Variants in DCDC2 observed in about 807,000 individuals in gnomAD.
DCDC2 encodes the protein doublecortin domain containing 2, also known as doublecortin domain-containing protein 2.
A neutral mutation model predicts 50.2 loss-of-function variants in DCDC2; 40 were observed. The observed-to-expected ratio is 0.80, with a 90% CI of 0.62 to 1.04. The LOEUF is 1.04. Ranked by LOEUF, DCDC2 falls within the 50% of genes least tolerant of loss-of-function variation. The pLI is 0.00. For missense variants in DCDC2, 570 were observed against 581.9 expected (o/e 0.98, Z 0.21); for synonymous variants, 234 against 210.6 (o/e 1.11, Z -0.96).
chr6:24,255,503 G>T (rs1028788825), intron 7 of DCDC2, among the ~76,000 whole-genome samples: 2 of 152,044 alleles, frequency 1.3e-5, no homozygotes, highest in African/African-American at 2.4e-5. Context: ...TTCAGAAAGT[G>T]ATGACAAGCC....
chr6:24,349,195 A>G (rs373895029), intron 2 of DCDC2, among the ~76,000 whole-genome samples: 2 of 152,226 alleles, frequency 1.3e-5, no homozygotes, highest in African/African-American at 4.8e-5. Flanking sequence ...GCTTTGCTGC[A>G]ACATGATAAA....
chr6:24,222,659 G>A (rs553273373), intron 7 of DCDC2, among the ~76,000 whole-genome samples: 1 of 152,264 alleles, frequency 6.6e-6, no homozygotes, highest in African/African-American at 2.4e-5. Context: ...GGTAAAGAAA[G>A]TGAAAAACCA....
rs903961230 is a variant in DCDC2 at position 24,174,810 on chromosome 6, G to A, written c.1351C>T (p.Pro451Ser). The change falls in exon 10 of 10, where the codon CCA (proline) becomes TCA (serine). Residue 451 changes from proline (P) to serine (S), a missense_variant. Physicochemically the swap from Pro to Ser is moderately conservative, Grantham distance 74. Transcript: ENST00000378454. ...CTGGTAATTTTTACTTCTGGCCTTG[G>A]TGGTCTTTGAGGGTCTACATCAGCC... ...DEADVDPQRP[P>S]RPEVKITSPE... 2 of 1,613,162 alleles carry A rather than the reference G, an allele frequency of 1.2e-6. No individual in the cohort carries two copies. Among genetic ancestry groups the A allele is most frequent in the Non-Finnish European group, 1.7e-6 (2 of 1,179,520 alleles).
intron 2 of DCDC2, among the ~76,000 whole-genome samples, chr6:24,329,842 G>A (rs1759936288): frequency 6.6e-6 from 1 of 152,148 alleles, no homozygotes; most frequent in South Asian, 2.1e-4. Flanking sequence ...GCAGGGAGAG[G>A]CTTGTGTTCA....
intron 7 of DCDC2, among the ~76,000 whole-genome samples, chr6:24,228,910 G>T (rs1341637323): frequency 6.6e-6 from 1 of 152,186 alleles, no homozygotes; most frequent in Non-Finnish European, 1.5e-5. Context: ...TTCTAGTTCT[G>T]TTGTGGCCAC....
chr6:24,186,092 G>C (rs906657001), intron 8 of DCDC2, among the ~76,000 whole-genome samples: 31 of 152,156 alleles, frequency 2.0e-4, no homozygotes, highest in African/African-American at 7.2e-4. Context: ...ATAGCTTTTT[G>C]TTGTTTCCAA....
intron 7 of DCDC2, among the ~76,000 whole-genome samples, chr6:24,234,325 T>C (rs969533484): frequency 6.6e-6 from 1 of 152,078 alleles, no homozygotes; most frequent in Non-Finnish European, 1.5e-5. Context: ...TGGAAGATGA[T>C]ACAAAAGAGT....
At chr6:24,199,270 G>C (rs1328131598) in intron 8 of DCDC2, among the ~76,000 whole-genome samples, 1 of 152,194 alleles carries the variant, frequency 6.6e-6, no homozygotes, top group Admixed American at 6.5e-5. Context: ...GCTCTGGTTG[G>C]CATCTGGTGG....
chr6:24,209,142 T>G (rs889124291), intron 7 of DCDC2, among the ~76,000 whole-genome samples: 1 of 152,176 alleles, frequency 6.6e-6, no homozygotes, highest in Non-Finnish European at 1.5e-5. Flanking sequence ...TGAAGACACA[T>G]TTCATGGACA....
intron 8 of DCDC2, among the ~76,000 whole-genome samples, chr6:24,186,521 C>T: frequency 6.6e-6 from 1 of 151,854 alleles, no homozygotes; most frequent in East Asian, 1.9e-4. Context: ...TATTGAAGAA[C>T]AGTGGTCCCC....
the DCDC2 span, among the ~76,000 whole-genome samples, chr6:24,378,387 C>T: frequency 3.3e-5 from 5 of 152,090 alleles, no homozygotes; most frequent in Non-Finnish European, 7.4e-5. Flanking sequence ...GATTTCTCTC[C>T]CTCCCCACCA....
intron 7 of DCDC2, among the ~76,000 whole-genome samples, chr6:24,258,001 G>T (rs1259260640): frequency 3.9e-5 from 6 of 152,156 alleles, no homozygotes; most frequent in African/African-American, 1.2e-4. Flanking sequence ...GATTAAAGTG[G>T]TGTAAGAGGA....
In DCDC2 at chr6:24,172,436, A is replaced by C. The variant is rs1760799943; in HGVS notation, c.*2294T>G. On this transcript the variant is annotated 3_prime_UTR_variant, in exon 10 of 10. Coordinates refer to ENST00000378454, the MANE Select transcript of DCDC2 (RefSeq NM_016356.5). ...AATACCAAACGTTATTATTCATGTA[A>C]AATATCAATGTTGTGCTTCATTAAA... is the stretch of plus-strand genomic sequence containing the variant. 1 of 152,266 alleles carries C rather than the reference A, an allele frequency of 6.6e-6. No individual in the cohort carries two copies. Among genetic ancestry groups the C allele is most frequent in the South Asian group, 2.1e-4 (1 of 4,822 alleles). 9.4% of individuals were successfully genotyped at this position (152,266 alleles called of 1,614,324 possible). A position where few individuals can be genotyped will look rare whatever the true frequency, so the allele number is the denominator to read the frequency against.
chr6:24,343,208 C>T (rs1030514057), intron 2 of DCDC2, among the ~76,000 whole-genome samples: 1 of 152,066 alleles, frequency 6.6e-6, no homozygotes, highest in African/African-American at 2.4e-5. Context: ...CCACCATGCC[C>T]AGCTAATTTT....
intron 7 of DCDC2, among the ~76,000 whole-genome samples, chr6:24,257,450 A>G (rs1209274828): frequency 6.6e-6 from 1 of 152,160 alleles, no homozygotes; most frequent in Admixed American, 6.5e-5. Context: ...GTTCAATTAC[A>G]ACACCTGCTG....
chr6:24,357,941 C>T lies in DCDC2; in HGVS notation c.-191G>A. 1 of 1,509,694 alleles carries T rather than the reference C, an allele frequency of 6.6e-7. No individual in the cohort carries two copies. The highest frequency in any genetic ancestry group is 8.8e-7 in the Non-Finnish European group (1 of 1,130,030). The allele number at this position is 1,509,694 out of a possible 1,614,324, so 93.5% of individuals were successfully genotyped here. A position where few individuals can be genotyped will look rare whatever the true frequency, so the allele number is the denominator to read the frequency against. On this transcript the variant is annotated 5_prime_UTR_variant, in exon 1 of 10. Transcript: ENST00000378454. The stretch of plus-strand genomic sequence containing the variant: ...ACCCAGAGGAGACACTAGGAGCTTG[C>T]AGGACTCGGAGTAGACGCTCAAGTT...
chr6:24,206,236 G>A (rs2113762585), intron 7 of DCDC2, among the ~76,000 whole-genome samples: 1 of 152,258 alleles, frequency 6.6e-6, no homozygotes, highest in South Asian at 2.1e-4. Context: ...ATGAAATGTG[G>A]ACTGTTCTCT....
intron 7 of DCDC2, among the ~76,000 whole-genome samples, chr6:24,249,588 T>C (rs960170491): frequency 1.3e-5 from 2 of 152,232 alleles, no homozygotes; most frequent in African/African-American, 4.8e-5. Context: ...TATACTCTTA[T>C]GTGTATTTTA....
intron 7 of DCDC2, among the ~76,000 whole-genome samples, chr6:24,227,687 T>C (rs1280281244): frequency 6.6e-6 from 1 of 152,212 alleles, no homozygotes; most frequent in Non-Finnish European, 1.5e-5. Context: ...AACTGCTAAC[T>C]GGCTGGGAAT....
Sources: allele counts gnomAD v4.1 joint callset (sites outside exome capture counted in the v4.1 genomes callset), GRCh38; gene constraint gnomAD v4.1.1; transcripts MANE v1.5; gene names NCBI Gene and HGNC (gene_info 2026-07-23, HGNC 2026-07-21).